Variants in MAML3 observed in about 807,000 individuals in gnomAD.
MAML3 encodes the protein mastermind like transcriptional coactivator 3, also known as mastermind-like protein 3.
A neutral mutation model predicts 101.9 loss-of-function variants in MAML3; 27 were observed. That is an observed-to-expected ratio of 0.27 (90% confidence interval 0.20 to 0.37). The LOEUF is 0.37. Ranked by LOEUF, MAML3 falls within the 10% of genes least tolerant of loss-of-function variation. MAML3 has a pLI of 1.00. For synonymous variants in MAML3, 501 were observed against 555.9 expected (o/e 0.90, Z 1.39); for missense variants, 1,316 against 1,444.9 (o/e 0.91, Z 1.45).
At position 139,735,262 on chromosome 4, in the gene MAML3, CTT is replaced by C. The variant is rs954851158; in HGVS notation, c.2080-4597_2080-4596del. 1.3e-5 allele frequency among the ~76,000 whole-genome samples: 2 copies of C among 152,262 alleles called. No homozygotes were observed. Among genetic ancestry groups the C allele is most frequent in the Non-Finnish European group, 1.5e-5 (1 of 68,052 alleles). On this transcript the variant is annotated intron_variant, in intron 2 of 4. Transcript: ENST00000509479. This position sits in a 1 kb window ranked among gnomAD's most constrained non-coding sequence, Gnocchi z 5.8. Reference sequence around the variant, plus strand: ...GAATTCCCTGGTGACTCGAGGCCCTCTTTGCACAAAATGAGTTCTCTCTCCAT... The same window carrying C: ...GAATTCCCTGGTGACTCGAGGCCCTCTGCACAAAATGAGTTCTCTCTCCAT...
chr4:139,941,784 C>T (rs995243487), intron 1 of MAML3, among the ~76,000 whole-genome samples: 8 of 152,116 alleles, frequency 5.3e-5, no homozygotes, highest in African/African-American at 1.9e-4. Context: ...TATATTTCAG[C>T]AGGATTACAC....
chr4:139,999,321 G>GCAA (rs1426766082), intron 1 of MAML3, among the ~76,000 whole-genome samples: 1 of 152,184 alleles, frequency 6.6e-6, no homozygotes, highest in East Asian at 1.9e-4. Flanking sequence ...GACAGCAGCA[G>GCAA]CAACCTGCCT....
intron 1 of MAML3, among the ~76,000 whole-genome samples, chr4:139,942,171 AAGGCAGGCAGGCAGGC>A (rs561148147): frequency 2.6e-5 from 2 of 76,800 alleles, no homozygotes; most frequent in African/African-American, 4.0e-5. Context: ...GGAGGGAGGG[AAGGCAGGCAGGCAGGC>A]AGGCAGGCAG....
chr4:139,967,076 T>A (rs746056364), intron 1 of MAML3, among the ~76,000 whole-genome samples: 7 of 152,076 alleles, frequency 4.6e-5, no homozygotes, highest in Admixed American at 1.3e-4. Context: ...AAAGTAAGGA[T>A]CAAAATTGAA....
intron 1 of MAML3, among the ~76,000 whole-genome samples, chr4:140,104,746 C>A (rs535893685): frequency 3.6e-4 from 54 of 151,842 alleles, no homozygotes; most frequent in Admixed American, 7.2e-4. Context: ...CCCGCCTCGG[C>A]CTTCCAAAGT....
chr4:139,757,986 A>G (rs531051320), intron 2 of MAML3, among the ~76,000 whole-genome samples: 5 of 152,058 alleles, frequency 3.3e-5, no homozygotes, highest in Admixed American at 2.6e-4. Context: ...TTCTCATTGC[A>G]TGTGTCACAA....
intron 2 of MAML3, among the ~76,000 whole-genome samples, chr4:139,840,428 T>A (rs1341402376): frequency 6.6e-6 from 1 of 152,218 alleles, no homozygotes; most frequent in East Asian, 1.9e-4. Flanking sequence ...TTACTTCACA[T>A]GATGGGCTTT....
intron 1 of MAML3, among the ~76,000 whole-genome samples, chr4:140,114,490 T>C (rs2111015741): frequency 6.6e-6 from 1 of 152,388 alleles, no homozygotes; most frequent in East Asian, 1.9e-4. Flanking sequence ...CGTAGCTGTA[T>C]ATAGCTGCAT....
intron 1 of MAML3, among the ~76,000 whole-genome samples, chr4:140,107,350 G>T (rs903457858): frequency 6.6e-6 from 1 of 151,912 alleles, no homozygotes; most frequent in Admixed American, 6.6e-5. Flanking sequence ...AGTTACTTGG[G>T]GCTTACATCA....
intron 2 of MAML3, among the ~76,000 whole-genome samples, chr4:139,797,365 G>A (rs1335490674): frequency 1.3e-5 from 2 of 152,182 alleles, no homozygotes; most frequent in African/African-American, 4.8e-5. Context: ...TTAGGATCAT[G>A]TACAAGCTAA....
chr4:139,989,384 C>T (rs564852554), intron 1 of MAML3, among the ~76,000 whole-genome samples: 1 of 152,174 alleles, frequency 6.6e-6, no homozygotes. Context: ...GCCTCCCCTG[C>T]GGCAGCATCT....
intron 2 of MAML3, among the ~76,000 whole-genome samples, chr4:139,806,446 A>T (rs1226127174): frequency 1.3e-5 from 2 of 152,188 alleles, no homozygotes; most frequent in African/African-American, 4.8e-5. Context: ...ATATTGGAAA[A>T]AAATTAAAAT....
At chr4:139,936,814 G>T (rs535262585) in intron 1 of MAML3, among the ~76,000 whole-genome samples, 1 of 152,010 alleles carries the variant, frequency 6.6e-6, no homozygotes, top group East Asian at 1.9e-4. Context: ...CTTAAATAGC[G>T]TTTAAAAAGT....
At chr4:139,829,890 T>C (rs1350667456) in intron 2 of MAML3, among the ~76,000 whole-genome samples, 1 of 152,220 alleles carries the variant, frequency 6.6e-6, no homozygotes, top group African/African-American at 2.4e-5. Flanking sequence ...TCAGTTATTA[T>C]CAGCATGTCA....
chr4:139,801,367 T>C (rs1730600765), intron 2 of MAML3, among the ~76,000 whole-genome samples: 1 of 152,224 alleles, frequency 6.6e-6, no homozygotes, highest in African/African-American at 2.4e-5. Flanking sequence ...TTGTTTGTTT[T>C]CTAAAACTGC....
intron 1 of MAML3, among the ~76,000 whole-genome samples, chr4:139,938,620 T>G (rs773752321): frequency 2.1e-4 from 32 of 152,226 alleles, no homozygotes; most frequent in Non-Finnish European, 4.0e-4. Flanking sequence ...ACTCTTTTAA[T>G]AGCCTGCTGC....
At chr4:140,116,824 T>C (rs1361484254) in intron 1 of MAML3, among the ~76,000 whole-genome samples, 1 of 152,196 alleles carries the variant, frequency 6.6e-6, no homozygotes, top group Admixed American at 6.5e-5. Context: ...TGACAAAAGA[T>C]CAGCACTTGG....
chr4:140,000,216 C>G (rs1326553361), intron 1 of MAML3, among the ~76,000 whole-genome samples: 1 of 152,070 alleles, frequency 6.6e-6, no homozygotes, highest in African/African-American at 2.4e-5. Context: ...TCATTTACCT[C>G]AGTAAAGACT....
chr4:140,099,341 A>T (rs1456333413), intron 1 of MAML3, among the ~76,000 whole-genome samples: 3 of 152,112 alleles, frequency 2.0e-5, no homozygotes, highest in Non-Finnish European at 4.4e-5. Context: ...TTACTGACAC[A>T]AGCATCCACC....
Sources: gnomAD v4.1 joint callset for allele counts (sites outside exome capture counted in the v4.1 genomes callset) on GRCh38, gnomAD v4.1.1 for gene constraint, Gnocchi (gnomAD v3.1) non-coding constraint, MANE v1.5 for transcripts, NCBI Gene and HGNC (gene_info 2026-07-23, HGNC 2026-07-21) for gene names.